Variants in STARD6 observed in about 807,000 individuals in gnomAD.
STARD6 encodes StAR related lipid transfer domain containing 6.
In STARD6, 21 loss-of-function variants were observed where a neutral mutation model predicts 22.3. That is an observed-to-expected ratio of 0.94 (90% CI 0.67 to 1.35). The LOEUF (loss-of-function observed/expected upper bound fraction) is 1.35. STARD6 is among the 40% of genes most tolerant of loss of function. The probability of loss-of-function intolerance (pLI) is 0.00; values close to 1 mark genes in which losing one functional copy is unlikely to be tolerated. For missense variants in STARD6, 269 were observed against 266.9 expected (o/e 1.01, Z -0.05); for synonymous variants, 80 against 88.1 (o/e 0.91, Z 0.52).
At position 54,331,293 on chromosome 18, in the gene STARD6, C is replaced by T. The variant is rs144644004; in HGVS notation, c.385+449G>A. 2.2e-3 allele frequency among the ~76,000 whole-genome samples: 342 copies of T among 152,164 alleles called. 4 individuals carry two copies. In the South Asian group the frequency reaches 0.03, roughly 14 times the overall value. On this transcript the variant is annotated intron_variant, in intron 6 of 7. Coordinates refer to ENST00000307844, the MANE Select transcript of STARD6 (RefSeq NM_139171.2). ...ATATTTGGGAGTGGGGATAGGGATA[C>T]ATCAAAACCGGCAGTTTCTAAAAGA...
At chr18:54,341,502 C>T (rs911769165) in intron 4 of STARD6, among the ~76,000 whole-genome samples, 5 of 152,178 alleles carry the variant, frequency 3.3e-5, no homozygotes, top group African/African-American at 4.8e-5. Flanking sequence ...GCATCTGGTA[C>T]ATTCTACAAG....
rs777809592 is a variant in STARD6, at chr18:54,348,919, TAAGA to T, written c.140+5131_140+5134del. The stretch of plus-strand genomic sequence containing the variant: ...AGTTTATTTTTTTGTACTGCAGTTA[TAAGA>T]TATATAACTTCCCATTTGGTAGCCA... On this transcript the variant is annotated intron_variant, in intron 4 of 7. Transcript: ENST00000307844. 3.6e-4 allele frequency among the ~76,000 whole-genome samples: 55 copies of T among 152,266 alleles called. 1 individual carries two copies. The highest frequency in any genetic ancestry group is 8.8e-5 in the Non-Finnish European group (6 of 68,002).
chr18:54,352,684 A>C (rs1169794848), intron 4 of STARD6, among the ~76,000 whole-genome samples: 1 of 152,196 alleles, frequency 6.6e-6, no homozygotes, highest in South Asian at 2.1e-4. Flanking sequence ...GTGAGTGCAA[A>C]AAGTACCAAT....
chr18:54,335,989 C>T (rs571781409), intron 5 of STARD6, among the ~76,000 whole-genome samples: 1 of 152,168 alleles, frequency 6.6e-6, no homozygotes, highest in South Asian at 2.1e-4. Flanking sequence ...AATGCAACCT[C>T]TTTTCACCAT....
chr18:54,337,598 A>T (rs2088928456), intron 4 of STARD6, among the ~76,000 whole-genome samples: 1 of 152,222 alleles, frequency 6.6e-6, no homozygotes, highest in South Asian at 2.1e-4. Flanking sequence ...GTTTTATTGA[A>T]ACATAGCCAC....
At position 54,324,882 on chromosome 18, in the gene STARD6, G is replaced by A; in HGVS notation, c.480-7C>T. On this transcript the variant is annotated splice_region_variant and splice_polypyrimidine_tract_variant and intron_variant, in intron 7 of 7. Coordinates refer to ENST00000307844, the MANE Select transcript of STARD6 (RefSeq NM_139171.2). ...TTTGGAATATGCTGGGTTTCTGTAA[G>A]CAAAAGAAGAGTTAAAAAAAGATAA... 1 of 1,503,348 alleles carries A rather than the reference G, an allele frequency of 6.7e-7. No individual in the cohort carries two copies. Among genetic ancestry groups the A allele is most frequent in the Non-Finnish European group, 8.8e-7 (1 of 1,132,258 alleles). The allele number at this position is 1,503,348 out of a possible 1,614,324, so 93.1% of individuals were successfully genotyped here.
chr18:54,334,147 C>T (rs2088889216), intron 5 of STARD6, among the ~76,000 whole-genome samples: 1 of 152,156 alleles, frequency 6.6e-6, no homozygotes, highest in Non-Finnish European at 1.5e-5. Context: ...TTCCTCTCTC[C>T]CTGCATCAGT....
intron 7 of STARD6, among the ~76,000 whole-genome samples, chr18:54,326,326 C>CTTTTTTT (rs11353724): frequency 8.3e-6 from 1 of 120,270 alleles, no homozygotes; most frequent in Non-Finnish European, 1.7e-5. Flanking sequence ...GCTGACAGGT[C>CTTTTTTT]TTTTTTTTTT....
rs2088809366 is a variant in STARD6 at position 54,324,806 on chromosome 18, T to G, written c.549A>C (p.Ile183=). The change falls in exon 8 of 8, where the codon ATA becomes ATC. Residue 183 remains isoleucine (I), a synonymous_variant. Transcript: ENST00000307844. ...TEMRGKLSPS[I]IEKTMPSNLV... ...AGTTGGAAGGCATGGTTTTTTCAAT[T>G]ATTGATGGGGACAATTTTCCTCTCA... 1 of 1,606,904 alleles carries G rather than the reference T, an allele frequency of 6.2e-7. No individual in the cohort carries two copies. The highest frequency in any genetic ancestry group is 1.3e-5 in the African/African-American group (1 of 74,198).
intron 5 of STARD6, among the ~76,000 whole-genome samples, chr18:54,333,652 A>C (rs2088884813): frequency 6.6e-6 from 1 of 152,188 alleles, no homozygotes; most frequent in Admixed American, 6.5e-5. Context: ...TTACAAGATG[A>C]AGATCAAGGA....
At chr18:54,342,440 C>T (rs1360039042) in intron 4 of STARD6, among the ~76,000 whole-genome samples, 1 of 129,396 alleles carries the variant, frequency 7.7e-6, no homozygotes, top group Non-Finnish European at 1.7e-5. Context: ...TCTCCCTCTC[C>T]CTCTCCCTCT....
intron 4 of STARD6, among the ~76,000 whole-genome samples, chr18:54,346,619 A>G (rs2089038918): frequency 6.6e-6 from 1 of 152,140 alleles, no homozygotes; most frequent in Non-Finnish European, 1.5e-5. Flanking sequence ...AAATTTCATA[A>G]CAGCATTATT....
intron 1 of STARD6, among the ~76,000 whole-genome samples, chr18:54,356,740 T>G (rs2089148071): frequency 6.6e-6 from 1 of 152,206 alleles, no homozygotes; most frequent in Non-Finnish European, 1.5e-5. Context: ...CACTAACAAT[T>G]AACAAGGATT....
chr18:54,343,119 T>G (rs2144684166), intron 4 of STARD6, among the ~76,000 whole-genome samples: 2 of 27,268 alleles, frequency 7.3e-5, no homozygotes, highest in African/African-American at 3.7e-4. Flanking sequence ...CACCGCCCCA[T>G]CTGGGATGTG....
chr18:54,352,208 C>T (rs1388518446), intron 4 of STARD6, among the ~76,000 whole-genome samples: 1 of 151,784 alleles, frequency 6.6e-6, no homozygotes, highest in Non-Finnish European at 1.5e-5. Context: ...TATCGATCTC[C>T]TCTAGATTTT....
intron 5 of STARD6, among the ~76,000 whole-genome samples, chr18:54,332,525 C>T (rs1272703334): frequency 2.0e-5 from 3 of 152,242 alleles, no homozygotes; most frequent in Non-Finnish European, 2.9e-5. Flanking sequence ...TCACCCTACC[C>T]TGTTGACACA....
In STARD6 at chr18:54,354,531, A is replaced by C; in HGVS notation, c.43T>G (p.Leu15Val). Residue 15 changes from leucine (L) to valine (V), a missense_variant, in exon 3 of 8, where the codon TTA becomes GTA. Coordinates refer to ENST00000307844, the MANE Select transcript of STARD6 (RefSeq NM_139171.2). ...AIAQQTAQEVLGYNRDTSGWK... is the reference protein window; with the variant it reads ...AIAQQTAQEVVGYNRDTSGWK... The stretch of plus-strand genomic sequence containing the variant: ...CCTGATGTATCTCGATTATAACCTA[A>C]AACTTCTTGGGCAGTTTGTTGGGCA... The C allele has an allele frequency of 6.2e-7, 1 of 1,613,248 alleles. No homozygotes were observed. The highest frequency in any genetic ancestry group is 8.5e-7 in the Non-Finnish European group (1 of 1,179,582).
At chr18:54,346,122 A>G (rs2089031510) in intron 4 of STARD6, among the ~76,000 whole-genome samples, 1 of 152,172 alleles carries the variant, frequency 6.6e-6, no homozygotes, top group South Asian at 2.1e-4. Context: ...CAAGAGAGTG[A>G]GAAGACAACC....
chr18:54,324,891 G>C lies in STARD6; in HGVS notation c.480-16C>G, dbSNP rs568469747. The stretch of plus-strand genomic sequence containing the variant: ...TGCTGGGTTTCTGTAAGCAAAAGAA[G>C]AGTTAAAAAAAGATAAGAAATTTTT... On this transcript the variant is annotated splice_polypyrimidine_tract_variant and intron_variant, in intron 7 of 7. Transcript: ENST00000307844. 1.3e-6 allele frequency: 2 copies of C among 1,488,832 alleles called. No individual in the cohort carries two copies. Among genetic ancestry groups the C allele is most frequent in the Non-Finnish European group, 1.8e-6 (2 of 1,125,052 alleles). The allele number at this position is 1,488,832 out of a possible 1,614,324, so 92.2% of individuals were successfully genotyped here.
Sources: gnomAD v4.1 joint callset for allele counts (sites outside exome capture counted in the v4.1 genomes callset) on GRCh38, gnomAD v4.1.1 for gene constraint, MANE v1.5 for transcripts, NCBI Gene and HGNC (gene_info 2026-07-23, HGNC 2026-07-21) for gene names.